The following CATSPERD variants were observed in gnomAD, a reference collection of about 807,000 sequenced individuals.
CATSPERD encodes catsper channel auxiliary subunit delta.
Under a neutral mutation model 98.1 loss-of-function variants are expected in CATSPERD, and 86 were observed. That is an observed-to-expected ratio of 0.88 (90% CI 0.74 to 1.05). The LOEUF is 1.05. Ranked by LOEUF, CATSPERD falls within the 50% of genes least tolerant of loss-of-function variation. The pLI, the probability that CATSPERD is intolerant of heterozygous loss-of-function variation, is 0.00. For synonymous variants in CATSPERD, 394 were observed against 390.2 expected, an observed-to-expected ratio of 1.01 and a Z score of -0.12; for missense variants, 995 against 1,005.7, an observed-to-expected ratio of 0.99 and a Z score of 0.14.
At position 5,742,127 on chromosome 19, in the gene CATSPERD, TGCGTGTGTGC is replaced by T. The variant is rs1314868095; in HGVS notation, c.574-2291_574-2282del. Among the ~76,000 whole-genome samples, 8 of 150,310 alleles carry T rather than the reference TGCGTGTGTGC, an allele frequency of 5.3e-5. 1 individual carries two copies. Among genetic ancestry groups the T allele is most frequent in the Admixed American group, 6.7e-5 (1 of 14,864 alleles). ...TTATTACTAAAATAGCGTTTGTGTG[TGCGTGTGTGC>T]GCGTGTGTACGTGTGTGAACGTGTG... On this transcript the variant is annotated intron_variant, in intron 7 of 21. Coordinates refer to ENST00000381624, the MANE Select transcript of CATSPERD (RefSeq NM_152784.4).
intron 18 of CATSPERD, among the ~76,000 whole-genome samples, chr19:5,770,098 A>AT (rs1380819771): frequency 6.7e-6 from 1 of 149,490 alleles, no homozygotes; most frequent in Admixed American, 6.7e-5. Flanking sequence ...CAAAAAAAAA[A>AT]AAAAAAAGTA....
rs760545780 is a variant in CATSPERD at position 5,778,337 on chromosome 19, C to T, written c.2097-39C>T. ...GAGATAAGGCGAAGTCCCCCAAAGG[C>T]AATGCCCAACAGCCTCTCCCCGCCT... On this transcript the variant is annotated intron_variant, in intron 21 of 21. Transcript: ENST00000381624. The T allele has an allele frequency of 7.7e-6, 12 of 1,560,428 alleles. No homozygotes were observed. The East Asian group carries it at 2.7e-4, about 35-fold the overall frequency.
At chr19:5,766,829 A>G (rs2056546728) in intron 17 of CATSPERD, among the ~76,000 whole-genome samples, 1 of 151,336 alleles carries the variant, frequency 6.6e-6, no homozygotes, top group Non-Finnish European at 1.5e-5. Context: ...AGTAGCTGAG[A>G]TTACAGGCGC....
chr19:5,765,894 G>A (rs1040097829), intron 16 of CATSPERD, among the ~76,000 whole-genome samples: 7 of 152,124 alleles, frequency 4.6e-5, no homozygotes, highest in Non-Finnish European at 8.8e-5. Context: ...GACACCAGGA[G>A]TTTAGCCATA....
intron 15 of CATSPERD, among the ~76,000 whole-genome samples, chr19:5,761,049 T>G (rs1440819742): frequency 1.3e-5 from 2 of 152,000 alleles, no homozygotes; most frequent in African/African-American, 2.4e-5. Flanking sequence ...TTTGTTTTTT[T>G]TTTTGAGACG....
chr19:5,769,293 C>CAAA (rs35536683), intron 18 of CATSPERD, among the ~76,000 whole-genome samples: 6 of 45,036 alleles, frequency 1.3e-4, no homozygotes, highest in Admixed American at 2.2e-4. Context: ...AACCTAGAGA[C>CAAA]AAAAAAAAAA....
At chr19:5,722,414 C>T (rs1216238747) in intron 1 of CATSPERD, among the ~76,000 whole-genome samples, 1 of 152,294 alleles carries the variant, frequency 6.6e-6, no homozygotes, top group African/African-American at 2.4e-5. Context: ...TGCCACCGCG[C>T]CCGGCCAACA....
chr19:5,761,618 C>T (rs979563835), intron 15 of CATSPERD, among the ~76,000 whole-genome samples: 1 of 151,750 alleles, frequency 6.6e-6, no homozygotes, highest in African/African-American at 2.4e-5. Context: ...TGGCGGAAGG[C>T]GAAGGGGAAA....
intron 11 of CATSPERD, among the ~76,000 whole-genome samples, chr19:5,750,164 T>A: frequency 6.7e-6 from 1 of 149,614 alleles, no homozygotes; most frequent in Non-Finnish European, 1.5e-5. Context: ...AAAGAATTAT[T>A]TTGGCCGGGC....
intron 9 of CATSPERD, 120 bp from the exon 10 acceptor site, chr19:5,748,040 C>T (rs1214499104): frequency 2.2e-5 from 16 of 717,222 alleles, no homozygotes; most frequent in African/African-American, 3.5e-5. Context: ...TAAGGAACAT[C>T]GAAAGAGCCA....
At chr19:5,733,058 A>G (rs1029060169) in intron 4 of CATSPERD, among the ~76,000 whole-genome samples, 1 of 150,854 alleles carries the variant, frequency 6.6e-6, no homozygotes, top group Non-Finnish European at 1.5e-5. Context: ...CTGTAGTGCA[A>G]TCTCGGCTCA....
chr19:5,778,587 TGCCAGTTCA>T lies in CATSPERD; in HGVS notation c.2310_2318del (p.Cys770_Arg773delinsTrp). 2 of 1,613,820 alleles carry T rather than the reference TGCCAGTTCA, an allele frequency of 1.2e-6. No homozygotes were observed. The highest frequency in any genetic ancestry group is 1.1e-5 in the South Asian group (1 of 91,084). On this transcript the variant is annotated inframe_deletion, in exon 22 of 22. Transcript: ENST00000381624. ...GCTGTGTAGGAGATGCAAGACGGTC[TGCCAGTTCA>T]GGGCCTCAGCCACAGCCAGGGCAGG...
chr19:5,769,011 A>G (rs1443818865), intron 18 of CATSPERD, among the ~76,000 whole-genome samples: 4 of 151,922 alleles, frequency 2.6e-5, no homozygotes, highest in South Asian at 2.1e-4. Flanking sequence ...AAAATTAGCC[A>G]GGCATGGTGG....
chr19:5,748,423 G>A (rs1019845884), intron 10 of CATSPERD, among the ~76,000 whole-genome samples, 168 bp downstream of exon 10: 3 of 151,890 alleles, frequency 2.0e-5, no homozygotes, highest in Non-Finnish European at 4.4e-5. Context: ...CTGAGGTCAG[G>A]AGTTCGAGAC....
chr19:5,769,535 C>A (rs2056607324), intron 18 of CATSPERD, among the ~76,000 whole-genome samples: 2 of 152,118 alleles, frequency 1.3e-5, no homozygotes, highest in South Asian at 4.1e-4. Context: ...CATACGAAGA[C>A]CCCTCATTGC....
At chr19:5,760,926 G>A (rs1207367182) in intron 15 of CATSPERD, among the ~76,000 whole-genome samples, 2 of 150,154 alleles carry the variant, frequency 1.3e-5, no homozygotes, top group Non-Finnish European at 1.5e-5. Context: ...GCGACAGAGC[G>A]AGACCCCCAT....
At chr19:5,732,842 A>AT (rs1190659966) in intron 4 of CATSPERD, among the ~76,000 whole-genome samples, 3 of 151,418 alleles carry the variant, frequency 2.0e-5, no homozygotes. Context: ...TGCCTAGCTA[A>AT]TTTTTTTGTA....
chr19:5,723,059 C>T (rs1000615163), intron 1 of CATSPERD, among the ~76,000 whole-genome samples: 39 of 150,076 alleles, frequency 2.6e-4, no homozygotes, highest in African/African-American at 9.0e-4. Flanking sequence ...TGGTGGCGGG[C>T]GCTTGTAGTC....
rs2056633581 is a variant in CATSPERD, at chr19:5,771,032, C to G, written c.1723C>G (p.Leu575Val). Reference protein sequence around the residue: ...YSYQQLGCPLLVYYDTLWKPV... With the variant: ...YSYQQLGCPLVVYYDTLWKPV... ...CTACCAGCAGCTGGGCTGTCCTCTCCTCGTCTACTATGACACCCTATGGAA... is the reference window on the plus strand; with the variant it reads ...CTACCAGCAGCTGGGCTGTCCTCTCGTCGTCTACTATGACACCCTATGGAA... The change falls in exon 19 of 22, where the codon CTC (leucine) becomes GTC (valine). Residue 575 changes from leucine to valine, a missense_variant. Physicochemically the swap from Leu to Val is conservative, Grantham distance 32. Coordinates refer to ENST00000381624, the MANE Select transcript of CATSPERD (RefSeq NM_152784.4). 8 of 1,614,102 alleles carry G rather than the reference C, an allele frequency of 5.0e-6. No homozygotes were observed. Among genetic ancestry groups the G allele is most frequent in the Non-Finnish European group, 6.8e-6 (8 of 1,180,012 alleles).
Sources: gnomAD v4.1 joint callset for allele counts (sites outside exome capture counted in the v4.1 genomes callset) on GRCh38, gnomAD v4.1.1 for gene constraint, MANE v1.5 for transcripts, NCBI Gene and HGNC (gene_info 2026-07-23, HGNC 2026-07-21) for gene names.